The following GRM5 variants were observed in gnomAD, a reference collection of about 807,000 sequenced individuals.
GRM5 encodes the protein glutamate metabotropic receptor 5.
In GRM5, 19 loss-of-function variants were observed where a neutral mutation model predicts 83.1. The ratio of observed to expected loss-of-function variants is 0.23; its 90% confidence interval spans 0.16 to 0.34. The LOEUF (loss-of-function observed/expected upper bound fraction) is 0.34. GRM5 is among the 10% of genes least tolerant of loss of function. GRM5 has a pLI of 1.00. For synonymous variants in GRM5, 675 were observed against 633.6 expected (o/e 1.07, Z -0.98); for missense variants, 1,160 against 1,588.3 (o/e 0.73, Z 4.58).
chr11:88,929,517 T>C (rs1242815025), intron 2 of GRM5, among the ~76,000 whole-genome samples: 1 of 152,160 alleles, frequency 6.6e-6, no homozygotes, highest in Non-Finnish European at 1.5e-5. Context: ...TGAAAAGCTT[T>C]TGTTCAGTCT....
chr11:88,756,323 G>C (rs999550233), intron 3 of GRM5, among the ~76,000 whole-genome samples: 1 of 152,060 alleles, frequency 6.6e-6, no homozygotes, highest in Middle Eastern at 3.2e-3. Flanking sequence ...TCCATCCAAA[G>C]ATAGAAAATC....
chr11:88,609,358 T>G (rs1938255308), intron 4 of GRM5, among the ~76,000 whole-genome samples: 2 of 152,198 alleles, frequency 1.3e-5, no homozygotes, highest in Admixed American at 6.5e-5. Context: ...ATGGTGTATA[T>G]GTACCATGGT....
chr11:89,024,525 G>A (rs932316436), intron 2 of GRM5, among the ~76,000 whole-genome samples: 10 of 152,154 alleles, frequency 6.6e-5, no homozygotes, highest in African/African-American at 1.9e-4. Flanking sequence ...GTTTTCAATT[G>A]AGGTAGAGTT....
chr11:88,642,207 G>A (rs1015093241), intron 4 of GRM5, among the ~76,000 whole-genome samples: 2 of 152,208 alleles, frequency 1.3e-5, no homozygotes, highest in Non-Finnish European at 2.9e-5. Flanking sequence ...AAGTGGCAGT[G>A]CAAGATGTAT....
intron 2 of GRM5, among the ~76,000 whole-genome samples, chr11:88,980,037 G>A (rs1392782535): frequency 2.6e-5 from 4 of 152,168 alleles, no homozygotes; most frequent in African/African-American, 7.2e-5. Flanking sequence ...GTAAAGAAAT[G>A]TGGGAGATTC....
chr11:88,555,943 A>C (rs1165445105), intron 8 of GRM5, among the ~76,000 whole-genome samples: 2 of 152,166 alleles, frequency 1.3e-5, no homozygotes, highest in Admixed American at 1.3e-4. Flanking sequence ...TTTTTTATGA[A>C]GAATCATAAA....
intron 3 of GRM5, among the ~76,000 whole-genome samples, chr11:88,827,752 T>A (rs541501928): frequency 2.0e-5 from 3 of 152,212 alleles, no homozygotes; most frequent in Admixed American, 6.5e-5. Context: ...TTGTACCAGG[T>A]ATTCTTTATA....
rs200353190 is a variant in GRM5, at chr11:88,691,733, ACT to A, written c.912-38332_912-38331del. On this transcript the variant is annotated intron_variant, in intron 3 of 9. Coordinates refer to ENST00000305447, the MANE Select transcript of GRM5 (RefSeq NM_001143831.3). ...AGTTCCCACTTGTCTCTTTTCTATGACTTACACGCCCCAAAACCAGGCATTTA... is the reference window on the plus strand; with the variant it reads ...AGTTCCCACTTGTCTCTTTTCTATGATACACGCCCCAAAACCAGGCATTTA... 9.4e-4 allele frequency among the ~76,000 whole-genome samples: 143 copies of A among 152,264 alleles called. 1 individual carries two copies. The East Asian group carries it at 0.023, about 24-fold the overall frequency.
chr11:88,636,512 C>A (rs139998126), intron 4 of GRM5, among the ~76,000 whole-genome samples: 1 of 149,156 alleles, frequency 6.7e-6, no homozygotes, highest in African/African-American at 2.5e-5. Context: ...GGTGACAGAG[C>A]GAGACTGTCT....
chr11:88,946,768 C>T (rs1029472436), intron 2 of GRM5, among the ~76,000 whole-genome samples: 4 of 152,030 alleles, frequency 2.6e-5, no homozygotes, highest in East Asian at 1.9e-4. Flanking sequence ...TTACGTTTTG[C>T]GTTTTTGACA....
In GRM5 at chr11:88,869,549, A is replaced by C. The variant is rs186289764; in HGVS notation, c.662-19394T>G. On this transcript the variant is annotated intron_variant, in intron 2 of 9. Coordinates refer to ENST00000305447, the MANE Select transcript of GRM5 (RefSeq NM_001143831.3). ...TAAGGCATAAATTTTTAAAAGTGTT[A>C]TAATAATTTATATTAATAAAGTATA... 8.6e-5 allele frequency among the ~76,000 whole-genome samples: 13 copies of C among 151,496 alleles called. No individual in the cohort carries two copies. The East Asian group carries it at 2.5e-3, about 29-fold the overall frequency.
At chr11:88,986,554 T>C (rs1042226259) in intron 2 of GRM5, among the ~76,000 whole-genome samples, 1 of 152,138 alleles carries the variant, frequency 6.6e-6, no homozygotes, top group Non-Finnish European at 1.5e-5. Context: ...GGTTACTTGT[T>C]TTTTGCTACT....
At chr11:88,576,615 A>G (rs1249793113) in intron 7 of GRM5, among the ~76,000 whole-genome samples, 1 of 152,186 alleles carries the variant, frequency 6.6e-6, no homozygotes, top group African/African-American at 2.4e-5. Context: ...AAATGAAAAT[A>G]ATACAGACTT....
At chr11:88,580,862 C>T (rs1036797844) in intron 7 of GRM5, among the ~76,000 whole-genome samples, 1 of 152,174 alleles carries the variant, frequency 6.6e-6, no homozygotes, top group Non-Finnish European at 1.5e-5. Context: ...CCTGTTAGGC[C>T]AGGCACAGTG....
chr11:88,803,627 A>C (rs567505046), intron 3 of GRM5, among the ~76,000 whole-genome samples: 24 of 152,372 alleles, frequency 1.6e-4, no homozygotes, highest in Non-Finnish European at 2.8e-4. Flanking sequence ...AGGCATGGGC[A>C]AGGACTTCAT....
At chr11:88,978,473 T>TAAA (rs1565317795) in intron 2 of GRM5, among the ~76,000 whole-genome samples, 13 of 56,812 alleles carry the variant, frequency 2.3e-4, no homozygotes, top group African/African-American at 7.3e-4. Context: ...GCAGATGAGC[T>TAAA]TAAAAAAAAA....
chr11:88,513,758 A>G (rs1237793730), intron 9 of GRM5, among the ~76,000 whole-genome samples: 1 of 152,194 alleles, frequency 6.6e-6, no homozygotes, highest in Non-Finnish European at 1.5e-5. Flanking sequence ...AAAGAAAAGA[A>G]AAGAAATAAA....
intron 2 of GRM5, among the ~76,000 whole-genome samples, chr11:88,996,219 C>T (rs538190659): frequency 1.3e-5 from 2 of 152,344 alleles, no homozygotes; most frequent in South Asian, 4.1e-4. Context: ...TTGATTACAG[C>T]TGTGTCTTTA....
chr11:89,013,130 C>T lies in GRM5; in HGVS notation c.661+34082G>A, dbSNP rs554620622. On this transcript the variant is annotated intron_variant, in intron 2 of 9. Transcript: ENST00000305447. ...ACTCCCTTTGTAATACAGTTAAGATCAGACTTTAAGATAGCACGTCGTGTT... is the reference window on the plus strand; with the variant it reads ...ACTCCCTTTGTAATACAGTTAAGATTAGACTTTAAGATAGCACGTCGTGTT... 7.0e-4 allele frequency among the ~76,000 whole-genome samples: 107 copies of T among 152,258 alleles called. 1 individual carries two copies. The highest frequency in any genetic ancestry group is 1.2e-3 in the Non-Finnish European group (85 of 68,020).
Sources: gnomAD v4.1 joint callset for allele counts (sites outside exome capture counted in the v4.1 genomes callset) on GRCh38, gnomAD v4.1.1 for gene constraint, MANE v1.5 for transcripts, NCBI Gene and HGNC (gene_info 2026-07-23, HGNC 2026-07-21) for gene names.